Variants in XRCC4 observed in about 807,000 individuals in gnomAD.
The protein encoded by XRCC4 is X-ray repair cross complementing 4.
In XRCC4, 28 loss-of-function variants were observed where a neutral mutation model predicts 39.1. That is an observed-to-expected ratio of 0.72 (90% CI 0.53 to 0.98). XRCC4 has a LOEUF of 0.98. Ranked by LOEUF, XRCC4 falls within the 50% of genes least tolerant of loss-of-function variation. The pLI, the probability that XRCC4 is intolerant of heterozygous loss-of-function variation, is 0.00. For synonymous variants in XRCC4, 123 were observed against 126.4 expected (o/e 0.97, Z 0.18); for missense variants, 350 against 376.4 (o/e 0.93, Z 0.58).
At chr5:83,309,447 G>T (rs1755624288) in intron 7 of XRCC4, among the ~76,000 whole-genome samples, 1 of 150,698 alleles carries the variant, frequency 6.6e-6, no homozygotes, top group Non-Finnish European at 1.5e-5. Context: ...CTTTTGAACA[G>T]AATTATATGT....
At chr5:83,166,668 G>T (rs112412893) in intron 3 of XRCC4, among the ~76,000 whole-genome samples, 2 of 150,374 alleles carry the variant, frequency 1.3e-5, no homozygotes, top group Admixed American at 6.7e-5. Flanking sequence ...GTAGAGATAG[G>T]GTTTCACCAT....
intron 3 of XRCC4, among the ~76,000 whole-genome samples, chr5:83,113,906 G>T (rs138009788): frequency 0.015 from 2,285 of 152,310 alleles, 54 homozygotes; most frequent in African/African-American, 0.051. Context: ...GATTACAGGC[G>T]TGAGCCACCG....
chr5:83,135,989 A>G (rs557547507), intron 3 of XRCC4, among the ~76,000 whole-genome samples: 1 of 152,234 alleles, frequency 6.6e-6, no homozygotes, highest in African/African-American at 2.4e-5. Context: ...GTATATTTGT[A>G]TATTCCTATA....
chr5:83,191,707 A>G (rs1750704043), intron 3 of XRCC4, among the ~76,000 whole-genome samples: 1 of 152,076 alleles, frequency 6.6e-6, no homozygotes, highest in African/African-American at 2.4e-5. Context: ...AAAAAAACCC[A>G]AAAAACAAAA....
At chr5:83,090,613 A>T (rs1745381527) in intron 1 of XRCC4, among the ~76,000 whole-genome samples, 1 of 152,146 alleles carries the variant, frequency 6.6e-6, no homozygotes, top group Non-Finnish European at 1.5e-5. Flanking sequence ...GAGGGTAGGG[A>T]GGAGGGTCTG....
intron 3 of XRCC4, among the ~76,000 whole-genome samples, chr5:83,153,642 C>T (rs1249665859): frequency 1.3e-5 from 2 of 152,156 alleles, no homozygotes; most frequent in African/African-American, 4.8e-5. Context: ...ATGACAAAGG[C>T]TGGCAAGGAT....
chr5:83,344,654 T>G (rs1477529173), intron 7 of XRCC4, among the ~76,000 whole-genome samples: 1 of 152,138 alleles, frequency 6.6e-6, no homozygotes, highest in Admixed American at 6.6e-5. Flanking sequence ...TCCCCTATTT[T>G]CCTTTGGAGA....
chr5:83,181,387 G>A (rs1372047115), intron 3 of XRCC4, among the ~76,000 whole-genome samples: 2 of 151,828 alleles, frequency 1.3e-5, no homozygotes, highest in Middle Eastern at 3.4e-3. Flanking sequence ...AGTTTTTTGT[G>A]TATCAATCTC....
intron 6 of XRCC4, among the ~76,000 whole-genome samples, chr5:83,206,109 T>C (rs529274016): frequency 6.6e-6 from 1 of 152,104 alleles, no homozygotes; most frequent in East Asian, 1.9e-4. Flanking sequence ...TCCTGTTACT[T>C]TGAATTAACT....
Position 83,310,335 on chromosome 5 carries a change from C to T in XRCC4, c.894-42796C>T, listed in dbSNP as rs188615492. On this transcript the variant is annotated intron_variant, in intron 7 of 7. Coordinates refer to ENST00000396027, the MANE Select transcript of XRCC4 (RefSeq NM_003401.5). The stretch of plus-strand genomic sequence containing the variant: ...CTACTCCATGTGTTTACTAATTTGT[C>T]GAGGCTTGATTGGCTCCAGTGAGAG... Among the ~76,000 whole-genome samples, 3 of 152,104 alleles carry T rather than the reference C, an allele frequency of 2.0e-5. No homozygotes were observed. In the East Asian group the frequency reaches 5.8e-4, roughly 29 times the overall value.
At chr5:83,241,284 A>T (rs1209628890) in intron 6 of XRCC4, among the ~76,000 whole-genome samples, 1 of 152,030 alleles carries the variant, frequency 6.6e-6, no homozygotes, top group African/African-American at 2.4e-5. Context: ...TAAATAAAAT[A>T]AGAAAATAAA....
chr5:83,218,320 T>C (rs1225499363), intron 6 of XRCC4, among the ~76,000 whole-genome samples: 2 of 149,708 alleles, frequency 1.3e-5, no homozygotes, highest in African/African-American at 2.5e-5. Context: ...CATAAAACTT[T>C]ATGAACTTTT....
In XRCC4 at chr5:83,203,487, G is replaced by A. The variant is rs192548846; in HGVS notation, c.483-65G>A. ...TTCCTTGAAATCTTCTTGATTATTA[G>A]GCTGAATTATGTTAATGCTAAGCAG... On this transcript the variant is annotated intron_variant, in intron 4 of 7. Transcript: ENST00000396027. 3.5e-5 allele frequency: 46 copies of A among 1,320,880 alleles called. No homozygotes were observed. In the East Asian group the frequency reaches 1.2e-3, roughly 34 times the overall value. The allele number at this position is 1,320,880 out of a possible 1,614,324, so 81.8% of individuals were successfully genotyped here.
At chr5:83,208,486 A>G (rs1751504460) in intron 6 of XRCC4, among the ~76,000 whole-genome samples, 1 of 152,150 alleles carries the variant, frequency 6.6e-6, no homozygotes. Flanking sequence ...GAAGTAGAGT[A>G]GGGGTATTAC....
chr5:83,235,536 A>T (rs1346549555), intron 6 of XRCC4, among the ~76,000 whole-genome samples: 1 of 152,132 alleles, frequency 6.6e-6, no homozygotes, highest in Non-Finnish European at 1.5e-5. Context: ...AAAATATCTC[A>T]ACAAACTAGG....
At chr5:83,169,997 T>C (rs1399176710) in intron 3 of XRCC4, among the ~76,000 whole-genome samples, 2 of 152,190 alleles carry the variant, frequency 1.3e-5, no homozygotes, top group Non-Finnish European at 2.9e-5. Flanking sequence ...TCTTTTGCCA[T>C]ATGTGATTTT....
At chr5:83,122,253 A>G (rs551938671) in intron 3 of XRCC4, among the ~76,000 whole-genome samples, 9 of 152,220 alleles carry the variant, frequency 5.9e-5, no homozygotes, top group Admixed American at 1.3e-4. Flanking sequence ...TTGGATCTAC[A>G]GAATTGACAT....
intron 3 of XRCC4, among the ~76,000 whole-genome samples, chr5:83,129,281 G>A (rs1369615027): frequency 6.7e-6 from 1 of 149,368 alleles, no homozygotes; most frequent in African/African-American, 2.5e-5. Context: ...AGATCAGATG[G>A]TTGTAGATGT....
chr5:83,150,401 C>T (rs572209928), intron 3 of XRCC4, among the ~76,000 whole-genome samples: 69 of 152,258 alleles, frequency 4.5e-4, no homozygotes, highest in African/African-American at 1.4e-3. Flanking sequence ...TGCTAGATCA[C>T]AGTTTGAATG....
Sources: allele counts gnomAD v4.1 joint callset (sites outside exome capture counted in the v4.1 genomes callset), GRCh38; gene constraint gnomAD v4.1.1; transcripts MANE v1.5; gene names NCBI Gene and HGNC (gene_info 2026-07-23, HGNC 2026-07-21).